NIBAN1: variants seen among roughly 807,000 people sequenced by gnomAD.
NIBAN1 encodes the protein niban apoptosis regulator 1.
A neutral mutation model predicts 75.1 loss-of-function variants in NIBAN1; 81 were observed. The ratio of observed to expected loss-of-function variants is 1.08; its 90% CI spans 0.90 to 1.30. NIBAN1 has a LOEUF of 1.30. Among genes scored for constraint, NIBAN1 ranks in the 50% most tolerant of loss-of-function variants. The pLI, the probability that NIBAN1 is intolerant of heterozygous loss-of-function variation, is 0.00. For synonymous variants in NIBAN1, 436 were observed against 424.8 expected, an observed-to-expected ratio of 1.03 and a Z score of -0.32; for missense variants, 1,133 against 1,128.1, an observed-to-expected ratio of 1.00 and a Z score of -0.06.
intron 12 of NIBAN1, among the ~76,000 whole-genome samples, chr1:184,798,431 T>C (rs1237897151): frequency 6.6e-6 from 1 of 152,218 alleles, no homozygotes; most frequent in Non-Finnish European, 1.5e-5. Flanking sequence ...CATGATAAGG[T>C]GTGGAACTCA....
In NIBAN1 at chr1:184,805,933, A is replaced by G. The variant is rs1173306225; in HGVS notation, c.1446+13T>C. ...TCTTTTTATGCTTCCCACAAACAAG[A>G]GAACGGTTTTACCTTTAAGACTCGG... On this transcript the variant is annotated intron_variant, in intron 11 of 13. Coordinates refer to ENST00000367511, the MANE Select transcript of NIBAN1 (RefSeq NM_052966.4). 14 of 1,603,180 alleles carry G rather than the reference A, an allele frequency of 8.7e-6. No homozygotes were observed. The highest frequency in any genetic ancestry group is 1.0e-5 in the Non-Finnish European group (12 of 1,170,138).
intron 3 of NIBAN1, among the ~76,000 whole-genome samples, chr1:184,892,217 G>A (rs564280803): frequency 6.6e-6 from 1 of 152,314 alleles, no homozygotes; most frequent in South Asian, 2.1e-4. Context: ...CACAGGCCCA[G>A]CCATATGCTA....
chr1:184,941,218 G>T (rs1658079677), intron 1 of NIBAN1, among the ~76,000 whole-genome samples: 1 of 152,124 alleles, frequency 6.6e-6, no homozygotes, highest in African/African-American at 2.4e-5. Context: ...TCAACTCTAA[G>T]TCTTATTCTA....
In NIBAN1 at chr1:184,795,761, A is replaced by G. The variant is rs898758952; in HGVS notation, c.2003T>C (p.Val668Ala). 13 of 1,611,988 alleles carry G rather than the reference A, an allele frequency of 8.1e-6. No individual in the cohort carries two copies. The highest frequency in any genetic ancestry group is 1.0e-5 in the Non-Finnish European group (12 of 1,178,784). ...SRVDDPVVNP[V>A]ATEDTAGLPG... ...GAGTCCTGCTGTGTCCTCTGTTGCCACAGGATTCACCACGGGGTCATCCAC... is the reference window on the plus strand; with the variant it reads ...GAGTCCTGCTGTGTCCTCTGTTGCCGCAGGATTCACCACGGGGTCATCCAC... The change falls in exon 14 of 14, where the codon GTG becomes GCG. Residue 668 changes from valine to alanine, a missense_variant. Coordinates refer to ENST00000367511, the MANE Select transcript of NIBAN1 (RefSeq NM_052966.4).
intron 2 of NIBAN1, among the ~76,000 whole-genome samples, chr1:184,896,028 T>C (rs1656790899): frequency 6.6e-6 from 1 of 152,214 alleles, no homozygotes; most frequent in South Asian, 2.1e-4. Flanking sequence ...AACACACACA[T>C]ACAGGAGTCT....
chr1:184,925,302 T>C (rs2102024018), intron 1 of NIBAN1, among the ~76,000 whole-genome samples: 1 of 152,290 alleles, frequency 6.6e-6, no homozygotes, highest in African/African-American at 2.4e-5. Context: ...TGTGTGTCAT[T>C]ATAGGTGAAG....
chr1:184,795,076 C>T lies in NIBAN1; in HGVS notation c.2688G>A (p.Glu896=), dbSNP rs749605447. ...ARIHECQWVV[E]DAPNPDVLLS... ...GCAGGACATCCGGGTTTGGAGCATC[C>T]TCCACCACCCACTGACACTCATGAA... Residue 896 remains glutamate (E), a synonymous_variant, in exon 14 of 14, where the codon GAG becomes GAA. Coordinates refer to ENST00000367511, the MANE Select transcript of NIBAN1 (RefSeq NM_052966.4). 1 of 1,614,124 alleles carries T rather than the reference C, an allele frequency of 6.2e-7. No individual in the cohort carries two copies. The highest frequency in any genetic ancestry group is 1.1e-5 in the South Asian group (1 of 91,088).
intron 6 of NIBAN1, among the ~76,000 whole-genome samples, chr1:184,826,004 C>T (rs1375836237): frequency 6.6e-6 from 1 of 152,220 alleles, no homozygotes; most frequent in African/African-American, 2.4e-5. Flanking sequence ...AGTGGAAATG[C>T]CCGTGAGCTC....
chr1:184,842,198 T>C (rs564833095), intron 5 of NIBAN1, among the ~76,000 whole-genome samples: 1 of 152,324 alleles, frequency 6.6e-6, no homozygotes, highest in South Asian at 2.1e-4. Flanking sequence ...CCTACTGTTG[T>C]AAAGAGATAC....
At chr1:184,958,364 TCACACACACACACACACA>T (rs3035788) in intron 1 of NIBAN1, among the ~76,000 whole-genome samples, 3 of 142,600 alleles carry the variant, frequency 2.1e-5, no homozygotes, top group Non-Finnish European at 4.6e-5. Flanking sequence ...GACAGAGGAG[TCACACACACACACACACA>T]CACACACACA....
At position 184,794,926 on chromosome 1, in the gene NIBAN1, C is replaced by T; in HGVS notation, c.*51G>A. On this transcript the variant is annotated 3_prime_UTR_variant, in exon 14 of 14. Coordinates refer to ENST00000367511, the MANE Select transcript of NIBAN1 (RefSeq NM_052966.4). ...TTGCATGCAACCCCTAAGTGTACCC[C>T]TATAACCCTTTGGCTTTTTTCAGAG... 2.5e-6 allele frequency: 4 copies of T among 1,600,910 alleles called. No homozygotes were observed. The highest frequency in any genetic ancestry group is 2.5e-6 in the Non-Finnish European group (3 of 1,179,752).
chr1:184,932,587 G>C (rs1657853379), intron 1 of NIBAN1, among the ~76,000 whole-genome samples: 1 of 152,148 alleles, frequency 6.6e-6, no homozygotes, highest in South Asian at 2.1e-4. Context: ...CCTGCTATGA[G>C]GCCTGGTTCC....
rs556395856 is a variant in NIBAN1, at chr1:184,834,000, C to T, written c.602-2038G>A. On this transcript the variant is annotated intron_variant, in intron 5 of 13. Transcript: ENST00000367511. ...ATTAGGTATTTCTCCTAATGTTATCCCTCCCCCTGCCCCCCACCCCACAAC... is the reference window on the plus strand; with the variant it reads ...ATTAGGTATTTCTCCTAATGTTATCTCTCCCCCTGCCCCCCACCCCACAAC... 3.5e-4 allele frequency among the ~76,000 whole-genome samples: 53 copies of T among 151,378 alleles called. No individual in the cohort carries two copies. In the Middle Eastern group the frequency reaches 0.014, roughly 39 times the overall value.
intron 11 of NIBAN1, among the ~76,000 whole-genome samples, chr1:184,804,600 C>A (rs1348796276): frequency 6.6e-6 from 1 of 152,160 alleles, no homozygotes; most frequent in Non-Finnish European, 1.5e-5. Flanking sequence ...TGAAGTTGAA[C>A]TAAAGGCACT....
At chr1:184,855,788 T>C (rs920940061) in intron 5 of NIBAN1, among the ~76,000 whole-genome samples, 6 of 152,204 alleles carry the variant, frequency 3.9e-5, no homozygotes, top group Admixed American at 3.3e-4. Context: ...GAACCTAGAA[T>C]AGAACTTGGC....
chr1:184,873,996 A>T (rs1656173715), intron 5 of NIBAN1, among the ~76,000 whole-genome samples: 1 of 152,148 alleles, frequency 6.6e-6, no homozygotes, highest in Non-Finnish European at 1.5e-5. Context: ...GTCCACAACA[A>T]CCTATAAGTG....
intron 6 of NIBAN1, among the ~76,000 whole-genome samples, chr1:184,826,120 C>A (rs1571496295): frequency 6.6e-6 from 1 of 152,146 alleles, no homozygotes; most frequent in South Asian, 2.1e-4. Context: ...TATCCAGTCC[C>A]ACTGTGCCTG....
chr1:184,803,067 G>C (rs1654089204), intron 12 of NIBAN1, among the ~76,000 whole-genome samples: 1 of 152,206 alleles, frequency 6.6e-6, no homozygotes, highest in Non-Finnish European at 1.5e-5. Context: ...CTCAATGTTT[G>C]TAGAGGTTTT....
At chr1:184,899,622 A>G (rs374490711) in intron 1 of NIBAN1, among the ~76,000 whole-genome samples, 9 of 152,088 alleles carry the variant, frequency 5.9e-5, no homozygotes, top group African/African-American at 2.2e-4. Flanking sequence ...TTTATTTTCT[A>G]TCAATAGACT....
Sources: gnomAD v4.1 joint callset for allele counts (sites outside exome capture counted in the v4.1 genomes callset) on GRCh38, gnomAD v4.1.1 for gene constraint, MANE v1.5 for transcripts, NCBI Gene and HGNC (gene_info 2026-07-23, HGNC 2026-07-21) for gene names.